Variants in PRICKLE2 observed in about 807,000 individuals in gnomAD.
The protein encoded by PRICKLE2 is prickle planar cell polarity protein 2.
Under a neutral mutation model 81.4 loss-of-function variants are expected in PRICKLE2, and 21 were observed. The ratio of observed to expected loss-of-function variants is 0.26; its 90% CI spans 0.18 to 0.37. The LOEUF (loss-of-function observed/expected upper bound fraction) is 0.37. PRICKLE2 is among the 10% of genes least tolerant of loss of function. The pLI, the probability that PRICKLE2 is intolerant of heterozygous loss-of-function variation, is 1.00. For synonymous variants in PRICKLE2, 456 were observed against 421.5 expected (o/e 1.08, Z -1.00); for missense variants, 940 against 1,109.0 (o/e 0.85, Z 2.16).
At chr3:64,158,827 C>T (rs1559547105) in intron 4 of PRICKLE2, among the ~76,000 whole-genome samples, 1 of 152,190 alleles carries the variant, frequency 6.6e-6, no homozygotes, top group South Asian at 2.1e-4. Flanking sequence ...ATAACTGAAC[C>T]TTCTCACTCT....
intron 4 of PRICKLE2, among the ~76,000 whole-genome samples, 168 bp from the exon 5 acceptor site, chr3:64,157,533 C>G (rs1271029729): frequency 6.6e-6 from 1 of 152,172 alleles, no homozygotes; most frequent in Non-Finnish European, 1.5e-5. Flanking sequence ...TTCTTGTCCT[C>G]CCTGAACTCT....
chr3:64,254,974 G>C (rs1274913602), intron 2 of PRICKLE2, among the ~76,000 whole-genome samples: 1 of 152,074 alleles, frequency 6.6e-6, no homozygotes, highest in Non-Finnish European at 1.5e-5. Flanking sequence ...AAATGTTTCA[G>C]TACCTAGCAA....
intron 2 of PRICKLE2, among the ~76,000 whole-genome samples, chr3:64,261,716 G>A (rs915636642): frequency 6.6e-6 from 1 of 152,106 alleles, no homozygotes; most frequent in African/African-American, 2.4e-5. Flanking sequence ...AGAAACTTGG[G>A]CTGGCCTGTG....
chr3:64,248,666 C>A (rs221987), intron 2 of PRICKLE2, among the ~76,000 whole-genome samples: 118,250 of 147,162 alleles, frequency 0.8, 46,791 homozygotes, highest in Non-Finnish European at 0.82. Flanking sequence ...CCAAAAAAAA[C>A]AAAACAAAAA....
chr3:64,135,650 C>G (rs561486788), intron 7 of PRICKLE2, among the ~76,000 whole-genome samples: 1 of 151,762 alleles, frequency 6.6e-6, no homozygotes, highest in Non-Finnish European at 1.5e-5. Context: ...GGTGGGCAGG[C>G]TGAAGGAGAT....
chr3:64,141,606 G>A (rs1288181853), intron 7 of PRICKLE2, among the ~76,000 whole-genome samples: 1 of 152,208 alleles, frequency 6.6e-6, no homozygotes. Flanking sequence ...TGGTGGCTGT[G>A]CCAGCCTGAG....
At chr3:64,163,212 C>T (rs748390565) in intron 2 of PRICKLE2, 83 bp from the exon 3 acceptor site, 32 of 856,672 alleles carry the variant, frequency 3.7e-5, no homozygotes, top group Non-Finnish European at 6.1e-5. Flanking sequence ...ATGATTCCCC[C>T]AGCAGGATGT....
At chr3:64,258,375 T>C (rs904965257) in intron 2 of PRICKLE2, among the ~76,000 whole-genome samples, 4 of 152,054 alleles carry the variant, frequency 2.6e-5, no homozygotes, top group African/African-American at 9.7e-5. Flanking sequence ...TGGAACCCTA[T>C]ACAACAACTA....
intron 7 of PRICKLE2, among the ~76,000 whole-genome samples, chr3:64,143,199 G>T (rs2077390566): frequency 6.6e-6 from 1 of 152,174 alleles, no homozygotes; most frequent in Non-Finnish European, 1.5e-5. Flanking sequence ...GGCCATTGCT[G>T]TTGAGTACTT....
chr3:64,158,699 A>G (rs1045063265), intron 4 of PRICKLE2, among the ~76,000 whole-genome samples: 17 of 152,206 alleles, frequency 1.1e-4, no homozygotes, highest in African/African-American at 3.9e-4. Context: ...GATGGAGCAC[A>G]GTGAATCTCA....
rs915597939 is a variant in PRICKLE2, at chr3:64,177,256, C to G, written c.145-14127G>C. Among the ~76,000 whole-genome samples, 27 of 150,434 alleles carry G rather than the reference C, an allele frequency of 1.8e-4. 1 individual carries two copies. Among genetic ancestry groups the G allele is most frequent in the Admixed American group, 1.5e-3 (22 of 14,976 alleles). ...GTTCAAGTGATTCTCCTGCCTCAGCCTCCCGAGTAGCTGGGATTACAGGCA... is the reference window on the plus strand; with the variant it reads ...GTTCAAGTGATTCTCCTGCCTCAGCGTCCCGAGTAGCTGGGATTACAGGCA... On this transcript the variant is annotated intron_variant, in intron 2 of 7. Coordinates refer to ENST00000638394, the MANE Select transcript of PRICKLE2 (RefSeq NM_198859.4).
At chr3:64,176,446 AGTT>A (rs2078024379) in intron 2 of PRICKLE2, among the ~76,000 whole-genome samples, 1 of 152,018 alleles carries the variant, frequency 6.6e-6, no homozygotes, top group Non-Finnish European at 1.5e-5. Flanking sequence ...TATTACTATT[AGTT>A]TCACAGGGTT....
chr3:64,191,102 G>A (rs2078324853), intron 2 of PRICKLE2, among the ~76,000 whole-genome samples: 1 of 148,748 alleles, frequency 6.7e-6, no homozygotes. Flanking sequence ...CAGAAGGCCT[G>A]GGAAACAGAA....
Position 64,099,492 on chromosome 3 carries a change from G to A in PRICKLE2, c.2094C>T (p.Ala698=), listed in dbSNP as rs759853424. Residue 698 remains alanine (A), a synonymous_variant, in exon 8 of 8, where the codon GCC becomes GCT. Coordinates refer to ENST00000638394, the MANE Select transcript of PRICKLE2 (RefSeq NM_198859.4). This position sits in a 1 kb window ranked among gnomAD's most constrained non-coding sequence, Gnocchi z 4.3. The part of the protein sequence containing the change: ...RRSRRSRSDN[A]LHLASEREAI... ...CCTCGCGTTCGCTGGCCAGGTGGAG[G>A]GCGTTGTCGGAGCGAGAGCGTCGGG... 1 of 1,592,572 alleles carries A rather than the reference G, an allele frequency of 6.3e-7. No individual in the cohort carries two copies. Among genetic ancestry groups the A allele is most frequent in the East Asian group, 2.3e-5 (1 of 44,420 alleles).
chr3:64,235,041 G>T (rs2079160375), intron 2 of PRICKLE2, among the ~76,000 whole-genome samples: 2 of 151,916 alleles, frequency 1.3e-5, no homozygotes, highest in African/African-American at 4.8e-5. Context: ...CATTTCTTAG[G>T]AGCTCTGTTT....
At chr3:64,150,975 T>C (rs975431009) in intron 6 of PRICKLE2, among the ~76,000 whole-genome samples, 1 of 152,330 alleles carries the variant, frequency 6.6e-6, no homozygotes, top group Admixed American at 6.5e-5. Flanking sequence ...GTTCTTTTTT[T>C]ATTCCTTCTC....
rs529370886 is a variant in PRICKLE2, at chr3:64,188,570, G to A, written c.144+10214C>T. Among the ~76,000 whole-genome samples the A allele has an allele frequency of 3.2e-4, 48 of 152,282 alleles. 1 individual carries two copies. The highest frequency in any genetic ancestry group is 2.1e-4 in the South Asian group (1 of 4,814). ...AACCTCGTTTTGAAAACCACGGGAC[G>A]AGGCAGACCAAATCTGGGTAATCAA... On this transcript the variant is annotated intron_variant, in intron 2 of 7. Coordinates refer to ENST00000638394, the MANE Select transcript of PRICKLE2 (RefSeq NM_198859.4).
At chr3:64,188,542 G>A (rs1220653421) in intron 2 of PRICKLE2, among the ~76,000 whole-genome samples, 1 of 152,186 alleles carries the variant, frequency 6.6e-6, no homozygotes, top group Non-Finnish European at 1.5e-5. Context: ...CTACTGGTAT[G>A]GGAACCTCGT....
Position 64,225,310 on chromosome 3 carries a change from C to T in PRICKLE2, c.-441G>A. 1.0e-6 allele frequency: 1 copy of T among 985,478 alleles called. No individual in the cohort carries two copies. The highest frequency in any genetic ancestry group is 1.2e-6 in the Non-Finnish European group (1 of 829,996). The allele number at this position is 985,478 out of a possible 1,614,324, so 61.0% of individuals were successfully genotyped here. A position where few individuals can be genotyped will look rare whatever the true frequency, so the allele number is the denominator to read the frequency against. ...TGAAGGAAGAAGTCATAGACTCCAG[C>T]CCAGCGTCACCAGCTGATCCTGAGC... is the stretch of plus-strand genomic sequence containing the variant. On this transcript the variant is annotated 5_prime_UTR_variant, in exon 1 of 8. Coordinates refer to ENST00000638394, the MANE Select transcript of PRICKLE2 (RefSeq NM_198859.4).
Sources: gnomAD v4.1 joint callset for allele counts (sites outside exome capture counted in the v4.1 genomes callset) on GRCh38, gnomAD v4.1.1 for gene constraint, Gnocchi (gnomAD v3.1) non-coding constraint, MANE v1.5 for transcripts, NCBI Gene and HGNC (gene_info 2026-07-23, HGNC 2026-07-21) for gene names.